Variants in MACROD2 observed in about 807,000 individuals in gnomAD.
MACROD2 encodes ADP-ribose glycohydrolase MACROD2.
MACROD2 carries 36 observed loss-of-function variants against 70.4 expected under a neutral mutation model. The ratio of observed to expected loss-of-function variants is 0.51; its 90% confidence interval spans 0.39 to 0.68. MACROD2 has a LOEUF of 0.68. Ranked by LOEUF, MACROD2 falls within the 30% of genes least tolerant of loss-of-function variation. The pLI is 0.00. For missense variants in MACROD2, 496 were observed against 538.4 expected, an observed-to-expected ratio of 0.92 and a Z score of 0.78; for synonymous variants, 172 against 178.8, an observed-to-expected ratio of 0.96 and a Z score of 0.30.
At chr20:15,137,307 C>T (rs2076156716) in intron 5 of MACROD2, among the ~76,000 whole-genome samples, 1 of 151,958 alleles carries the variant, frequency 6.6e-6, no homozygotes, top group African/African-American at 2.4e-5. Flanking sequence ...TTGGAACCAA[C>T]CCAGATGTCC....
intron 8 of MACROD2, among the ~76,000 whole-genome samples, chr20:15,859,980 A>G (rs990992502): frequency 3.9e-5 from 6 of 152,060 alleles, no homozygotes; most frequent in African/African-American, 1.4e-4. Flanking sequence ...CTAAAAATAC[A>G]AAAAATTAGC....
At chr20:15,429,015 T>C (rs2046333956) in intron 6 of MACROD2, among the ~76,000 whole-genome samples, 1 of 152,148 alleles carries the variant, frequency 6.6e-6, no homozygotes, top group African/African-American at 2.4e-5. Flanking sequence ...AAAGGTACAG[T>C]GGAACATGAC....
At chr20:14,958,386 CG>C (rs937478148) in intron 5 of MACROD2, among the ~76,000 whole-genome samples, 5 of 152,114 alleles carry the variant, frequency 3.3e-5, no homozygotes, top group African/African-American at 1.2e-4. Flanking sequence ...GTTTCCTTTC[CG>C]TTCAGATTTC....
At position 14,561,816 on chromosome 20, in the gene MACROD2, TA is replaced by T. The variant is rs1301958981; in HGVS notation, c.301+68309del. 2.0e-5 allele frequency among the ~76,000 whole-genome samples: 3 copies of T among 151,992 alleles called. No individual in the cohort carries two copies. The East Asian group carries it at 5.8e-4, about 30-fold the overall frequency. On this transcript the variant is annotated intron_variant, in intron 4 of 17. Transcript: ENST00000684519. ...ATCTCTAGTGCTGCCTCTTCTCTAT[TA>T]CAGCTTAAACTGTACTCTGCATGTC...
chr20:15,958,147 A>G (rs1303899136), intron 12 of MACROD2, among the ~76,000 whole-genome samples: 2 of 152,176 alleles, frequency 1.3e-5, no homozygotes, highest in Admixed American at 6.5e-5. Context: ...AAATTTATCA[A>G]TATATTTCTC....
chr20:15,636,863 G>A (rs2049378512), intron 8 of MACROD2, among the ~76,000 whole-genome samples: 3 of 152,080 alleles, frequency 2.0e-5, no homozygotes, highest in Non-Finnish European at 4.4e-5. Flanking sequence ...GCTGTCACAT[G>A]GGAGAGATGC....
At chr20:15,533,537 CTCT>C (rs1236447048) in intron 8 of MACROD2, among the ~76,000 whole-genome samples, 1 of 135,220 alleles carries the variant, frequency 7.4e-6, no homozygotes, top group African/African-American at 3.0e-5. Flanking sequence ...CTGTCTCTGT[CTCT>C]GTCGCTCTCT....
chr20:14,597,119 A>G (rs961603686), intron 4 of MACROD2, among the ~76,000 whole-genome samples: 2 of 152,162 alleles, frequency 1.3e-5, no homozygotes, highest in East Asian at 1.9e-4. Flanking sequence ...ATTGATGAAT[A>G]TTTTAAAAAG....
At chr20:15,858,665 T>C (rs1041093448) in intron 8 of MACROD2, among the ~76,000 whole-genome samples, 1 of 152,214 alleles carries the variant, frequency 6.6e-6, no homozygotes, top group African/African-American at 2.4e-5. Context: ...TTAGCTGGGA[T>C]GGCTCAAAGG....
chr20:14,089,264 T>G (rs2148671599), intron 3 of MACROD2, among the ~76,000 whole-genome samples: 1 of 152,334 alleles, frequency 6.6e-6, no homozygotes, highest in Non-Finnish European at 1.5e-5. Flanking sequence ...AATGGCTCTA[T>G]TTACAGCTTT....
chr20:14,354,397 C>T (rs914861737), intron 3 of MACROD2, among the ~76,000 whole-genome samples: 7 of 151,984 alleles, frequency 4.6e-5, no homozygotes, highest in African/African-American at 9.7e-5. Context: ...GTGTCTTATT[C>T]GAAGAACCAT....
chr20:15,686,176 A>G (rs960447227), intron 8 of MACROD2, among the ~76,000 whole-genome samples: 3 of 152,240 alleles, frequency 2.0e-5, no homozygotes, highest in Non-Finnish European at 2.9e-5. Context: ...GCAATATGCC[A>G]TAATTTTTTT....
At chr20:15,438,275 G>A (rs2046453007) in intron 7 of MACROD2, among the ~76,000 whole-genome samples, 1 of 152,102 alleles carries the variant, frequency 6.6e-6, no homozygotes, top group South Asian at 2.1e-4. Context: ...CACAATGGTT[G>A]AACTAATTCA....
chr20:15,807,594 C>T (rs942753176), intron 8 of MACROD2, among the ~76,000 whole-genome samples: 3 of 152,004 alleles, frequency 2.0e-5, no homozygotes, highest in Admixed American at 6.6e-5. Context: ...ATTTCAAAAA[C>T]GTAATGGCAA....
chr20:14,675,865 A>G (rs1600526709), intron 4 of MACROD2, among the ~76,000 whole-genome samples: 3 of 152,128 alleles, frequency 2.0e-5, no homozygotes. Context: ...TTTACCAAAC[A>G]AATGGAAAGC....
intron 5 of MACROD2, among the ~76,000 whole-genome samples, chr20:14,953,920 C>A (rs1450743693): frequency 6.6e-6 from 1 of 152,062 alleles, no homozygotes; most frequent in Non-Finnish European, 1.5e-5. Context: ...TAGAAACAGC[C>A]CTTAGTCTCA....
At chr20:15,529,980 G>A (rs1379219912) in intron 8 of MACROD2, among the ~76,000 whole-genome samples, 2 of 152,084 alleles carry the variant, frequency 1.3e-5, no homozygotes. Context: ...ATTTGAGTGA[G>A]GACATGGGAC....
chr20:14,909,767 G>C (rs1333008089), intron 5 of MACROD2, among the ~76,000 whole-genome samples: 1 of 152,048 alleles, frequency 6.6e-6, no homozygotes, highest in Non-Finnish European at 1.5e-5. Context: ...ACAGGAATTT[G>C]AAAATCTGTT....
At chr20:14,906,184 G>T (rs1249268599) in intron 5 of MACROD2, among the ~76,000 whole-genome samples, 3 of 152,106 alleles carry the variant, frequency 2.0e-5, no homozygotes, top group Admixed American at 6.6e-5. Flanking sequence ...TATAAAGATA[G>T]TTATATATGT....
Sources: allele counts gnomAD v4.1 joint callset (sites outside exome capture counted in the v4.1 genomes callset), GRCh38; gene constraint gnomAD v4.1.1; transcripts MANE v1.5; gene names NCBI Gene and HGNC (gene_info 2026-07-23, HGNC 2026-07-21).